Variants in XRCC1 observed in about 807,000 individuals in gnomAD.
XRCC1 encodes DNA repair protein XRCC1.
A neutral mutation model predicts 83.3 loss-of-function variants in XRCC1; 52 were observed. That is an observed-to-expected ratio of 0.62 (90% confidence interval 0.50 to 0.79). The LOEUF is 0.79. Ranked by LOEUF, XRCC1 falls within the 30% of genes least tolerant of loss-of-function variation. The pLI, the probability that XRCC1 is intolerant of heterozygous loss-of-function variation, is 0.00. For synonymous variants in XRCC1, 281 were observed against 312.6 expected (o/e 0.90, Z 1.07); for missense variants, 793 against 823.5 (o/e 0.96, Z 0.45).
chr19:43,543,486 G>T lies in XRCC1; in HGVS notation c.1808C>A (p.Ser603Tyr). ...SFEEALMDNPSLAFVRPRWIY... is the reference protein window; with the variant it reads ...SFEEALMDNPYLAFVRPRWIY... The stretch of plus-strand genomic sequence containing the variant: ...CCATCGGGGACGAACGAATGCCAGG[G>T]AGGGGTTGTCCATCAGGGCCTGCAG... The change falls in exon 17 of 17, where the codon TCC becomes TAC. Residue 603 changes from serine to tyrosine, a missense_variant. Physicochemically the swap from Ser to Tyr is moderately radical, Grantham distance 144. Transcript: ENST00000262887. 6.2e-7 allele frequency: 1 copy of T among 1,613,754 alleles called. No individual in the cohort carries two copies. Among genetic ancestry groups the T allele is most frequent in the Non-Finnish European group, 8.5e-7 (1 of 1,179,878 alleles).
intron 6 of XRCC1, 109 bp from the exon 7 acceptor site, chr19:43,553,200 G>A: frequency 7.8e-7 from 1 of 1,282,260 alleles, no homozygotes; most frequent in Non-Finnish European, 1.1e-6. Flanking sequence ...AGTGATCCAG[G>A]AGTCCCAGCC....
At chr19:43,563,015 C>G (rs1209446244) in intron 2 of XRCC1, among the ~76,000 whole-genome samples, 2 of 152,234 alleles carry the variant, frequency 1.3e-5, no homozygotes, top group Non-Finnish European at 2.9e-5. Flanking sequence ...GGCAGGCTGG[C>G]AACAGTCCAC....
In XRCC1 at chr19:43,546,035, C is replaced by T. The variant is rs373262945; in HGVS notation, c.1481+17G>A. The T allele has an allele frequency of 3.7e-6, 6 of 1,602,748 alleles. No homozygotes were observed. Among genetic ancestry groups the T allele is most frequent in the East Asian group, 2.2e-5 (1 of 44,868 alleles). On this transcript the variant is annotated intron_variant, in intron 13 of 16. Coordinates refer to ENST00000262887, the MANE Select transcript of XRCC1 (RefSeq NM_006297.3). ...ACCCAAGGCCAGGGACACCCCAACC[C>T]CCAGCCCCAGCCCTACCTCCTCAGC...
chr19:43,568,521 TA>T (rs1171478237), intron 2 of XRCC1, among the ~76,000 whole-genome samples: 1 of 151,336 alleles, frequency 6.6e-6, no homozygotes, highest in Non-Finnish European at 1.5e-5. Flanking sequence ...AGTAAGTAAG[TA>T]AATAAATAAA....
chr19:43,575,426 G>A lies in XRCC1; in HGVS notation c.33C>T (p.Ser11=), dbSNP rs150736509. The A allele has an allele frequency of 1.1e-5, 17 of 1,611,584 alleles. No homozygotes were observed. Among genetic ancestry groups the A allele is most frequent in the East Asian group, 2.2e-5 (1 of 44,804 alleles). The change falls in exon 1 of 17, where the codon TCC becomes TCT. Residue 11 remains serine (S), a synonymous_variant. Transcript: ENST00000262887. Reference sequence around the variant, plus strand: ...CCCTCACCGAGTCCTGGCTGCTGCAGGACACGACATGGCGGAGGCGGATCT... The same window carrying A: ...CCCTCACCGAGTCCTGGCTGCTGCAAGACACGACATGGCGGAGGCGGATCT... MPEIRLRHVV[S]CSSQDSTHCA... is the part of the protein sequence containing the mutation.
chr19:43,546,022 G>T, intron 13 of XRCC1, 30 bp downstream of exon 13: 1 of 1,613,774 alleles, frequency 6.2e-7, no homozygotes, highest in Admixed American at 1.7e-5. Context: ...CCAAGGCCAG[G>T]GACACCCCAA....
chr19:43,552,382 C>G (rs1233791178), intron 8 of XRCC1, 107 bp from the exon 9 acceptor site: 4 of 826,158 alleles, frequency 4.8e-6, no homozygotes, highest in Non-Finnish European at 7.5e-6. Flanking sequence ...TCCCTCAGAC[C>G]CAGCAATCCA....
At chr19:43,551,437 C>G in intron 10 of XRCC1, 134 bp downstream of exon 10, 1 of 756,948 alleles carries the variant, frequency 1.3e-6, no homozygotes, top group Non-Finnish European at 2.2e-6. Flanking sequence ...CTGCCCCGCT[C>G]CTCTCAGTAG....
chr19:43,559,796 A>C (rs949851005), intron 3 of XRCC1, among the ~76,000 whole-genome samples: 8 of 151,966 alleles, frequency 5.3e-5, no homozygotes. Flanking sequence ...ATAAGAAAGG[A>C]GGGCTGGGTG....
At chr19:43,567,153 A>T (rs1972761477) in intron 2 of XRCC1, among the ~76,000 whole-genome samples, 1 of 152,144 alleles carries the variant, frequency 6.6e-6, no homozygotes, top group Non-Finnish European at 1.5e-5. Context: ...TGCCAAGGGC[A>T]ACATTGGGGA....
At position 43,552,834 on chromosome 19, in the gene XRCC1, T is replaced by TG; in HGVS notation, c.785dup (p.Ala263SerfsTer12). 6.2e-7 allele frequency: 1 copy of TG among 1,613,292 alleles called. No individual in the cohort carries two copies. The highest frequency in any genetic ancestry group is 8.5e-7 in the Non-Finnish European group (1 of 1,179,714). On this transcript the variant is annotated frameshift_variant, in exon 8 of 17. Transcript: ENST00000262887. LOFTEE classifies it high-confidence loss of function. ...TGGGAACAGATGGCGACAGCTGGGCTGGTGGTTTGCTGGGGGTCTTCTTTT... is the reference window on the plus strand; with the variant it reads ...TGGGAACAGATGGCGACAGCTGGGCTGGGTGGTTTGCTGGGGGTCTTCTTTT...
chr19:43,553,735 G>A, intron 4 of XRCC1, 52 bp from the exon 5 acceptor site: 2 of 1,443,184 alleles, frequency 1.4e-6, no homozygotes, highest in South Asian at 2.8e-5. Context: ...ACAGAGGCCA[G>A]GGCCCAAGAC....
chr19:43,560,889 C>T (rs1206423136), intron 3 of XRCC1, 21 bp downstream of exon 3: 1 of 1,581,884 alleles, frequency 6.3e-7, no homozygotes, highest in Non-Finnish European at 8.7e-7. Flanking sequence ...AGTATGGGAT[C>T]CATCTCATAG....
At chr19:43,565,095 G>A (rs935547022) in intron 2 of XRCC1, among the ~76,000 whole-genome samples, 1 of 152,066 alleles carries the variant, frequency 6.6e-6, no homozygotes, top group Non-Finnish European at 1.5e-5. Context: ...TAAGGCCTCT[G>A]GGGGTTACGT....
intron 10 of XRCC1, among the ~76,000 whole-genome samples, chr19:43,548,784 A>AAAAAAAAAAAAAAC (rs752610644): frequency 5.3e-4 from 76 of 142,158 alleles, no homozygotes; most frequent in East Asian, 2.7e-3. Flanking sequence ...AAAAAAAAAA[A>AAAAAAAAAAAAAAC]AACACAACAG....
chr19:43,547,934 A>T (rs1049141386), intron 10 of XRCC1, among the ~76,000 whole-genome samples: 1 of 152,182 alleles, frequency 6.6e-6, no homozygotes, highest in African/African-American at 2.4e-5. Flanking sequence ...CAAAGCAAAC[A>T]CATTTTAAAG....
chr19:43,553,924 T>C, intron 4 of XRCC1: 1 of 459,036 alleles, frequency 2.2e-6, no homozygotes, highest in Middle Eastern at 5.8e-4. Context: ...ATTGGCAGAG[T>C]CTACTAGGTG....
chr19:43,564,796 C>CA (rs71336879), intron 2 of XRCC1, among the ~76,000 whole-genome samples: 67,799 of 148,426 alleles, frequency 0.46, 15,978 homozygotes, highest in Non-Finnish European at 0.55. Flanking sequence ...CTCAAAAAAA[C>CA]AAAAAAAAAA....
At position 43,543,398 on chromosome 19, in the gene XRCC1, T is replaced by C. The variant is rs3547; in HGVS notation, c.1896A>G (p.Gln632=). 946,426 of 1,587,640 alleles carry C rather than the reference T, an allele frequency of 0.6. 288,195 individuals are homozygous for C. The highest frequency in any genetic ancestry group is 0.9 in the East Asian group (39,916 of 44,588). Residue 632 remains glutamine, a synonymous_variant, in exon 17 of 17, where the codon CAA becomes CAG. Coordinates refer to ENST00000262887, the MANE Select transcript of XRCC1 (RefSeq NM_006297.3). ...LPHQLYGVVP[Q]A ...TGTGTGTATAGCACATACTTCAGGC[T>C]TGCGGCACCACCCCATAGAGCTGGT... is the stretch of plus-strand genomic sequence containing the variant.
Sources: gnomAD v4.1 joint callset for allele counts (sites outside exome capture counted in the v4.1 genomes callset) on GRCh38, gnomAD v4.1.1 for gene constraint, MANE v1.5 for transcripts, NCBI Gene and HGNC (gene_info 2026-07-23, HGNC 2026-07-21) for gene names.